The following EXT1 variants were observed in gnomAD, a reference collection of about 807,000 sequenced individuals.
The protein encoded by EXT1 is exostosin glycosyltransferase 1, also known as exostosin-1.
EXT1 carries 20 observed loss-of-function variants against 82.5 expected under a neutral mutation model. The observed-to-expected ratio is 0.24, with a 90% CI of 0.17 to 0.35. EXT1 has a LOEUF of 0.35. Among genes scored for constraint, EXT1 ranks in the 10% least tolerant of loss-of-function variants. The pLI is 1.00. For synonymous variants in EXT1, 348 were observed against 350.8 expected, an observed-to-expected ratio of 0.99 and a Z score of 0.09; for missense variants, 757 against 936.5, an observed-to-expected ratio of 0.81 and a Z score of 2.50.
intron 1 of EXT1, among the ~76,000 whole-genome samples, chr8:117,918,748 C>A (rs754005640): frequency 6.6e-6 from 1 of 152,148 alleles, no homozygotes; most frequent in African/African-American, 2.4e-5. Flanking sequence ...CAGGAGTGAC[C>A]CCAGCAGATG....
chr8:118,029,626 C>A (rs998946111), intron 1 of EXT1, among the ~76,000 whole-genome samples: 1 of 152,138 alleles, frequency 6.6e-6, no homozygotes, highest in South Asian at 2.1e-4. Context: ...TCTTATAGTG[C>A]TAAAGTTCTG....
chr8:117,967,884 T>C (rs1478794193), intron 1 of EXT1, among the ~76,000 whole-genome samples: 1 of 152,032 alleles, frequency 6.6e-6, no homozygotes, highest in Non-Finnish European at 1.5e-5. Flanking sequence ...AACAAACGAG[T>C]CTAAAGATCT....
At chr8:117,996,457 T>C (rs1027150449) in intron 1 of EXT1, among the ~76,000 whole-genome samples, 1 of 152,218 alleles carries the variant, frequency 6.6e-6, no homozygotes, top group African/African-American at 2.4e-5. Context: ...CATATTTTCA[T>C]CACACAGAAA....
intron 1 of EXT1, among the ~76,000 whole-genome samples, chr8:117,982,341 C>T (rs1815226954): frequency 6.6e-6 from 1 of 152,178 alleles, no homozygotes; most frequent in Non-Finnish European, 1.5e-5. Flanking sequence ...TTCCCCCAAT[C>T]GTCAAAGCCA....
intron 1 of EXT1, among the ~76,000 whole-genome samples, chr8:118,032,328 G>C (rs910680988): frequency 6.6e-6 from 1 of 151,636 alleles, no homozygotes; most frequent in Non-Finnish European, 1.5e-5. Flanking sequence ...TTTAGAGTGA[G>C]GTCCAGCAAT....
intron 1 of EXT1, among the ~76,000 whole-genome samples, chr8:118,021,913 G>C (rs183672615): frequency 2.6e-5 from 4 of 152,180 alleles, no homozygotes; most frequent in Non-Finnish European, 5.9e-5. Context: ...GATTTTGTGA[G>C]CAAGTCCGAA....
intron 1 of EXT1, among the ~76,000 whole-genome samples, chr8:117,925,181 G>A (rs903911548): frequency 4.6e-5 from 7 of 152,166 alleles, no homozygotes; most frequent in Non-Finnish European, 1.0e-4. Context: ...TAAATATGGT[G>A]TCACTGTCCC....
intron 4 of EXT1, among the ~76,000 whole-genome samples, chr8:117,825,914 TATC>T (rs1239933211): frequency 1.4e-4 from 21 of 152,228 alleles, no homozygotes; most frequent in African/African-American, 5.1e-4. Flanking sequence ...TTTCACATAT[TATC>T]ATAATCTCAG....
At chr8:117,857,088 G>A (rs1812577590) in intron 1 of EXT1, among the ~76,000 whole-genome samples, 1 of 152,140 alleles carries the variant, frequency 6.6e-6, no homozygotes, top group African/African-American at 2.4e-5. Flanking sequence ...ATGGTTAACT[G>A]AATATTTTAA....
chr8:117,991,056 G>C (rs370370022), intron 1 of EXT1, among the ~76,000 whole-genome samples: 90 of 151,932 alleles, frequency 5.9e-4, no homozygotes, highest in African/African-American at 2.2e-3. Context: ...GCCTTCCCAA[G>C]GTCCATACAC....
intron 1 of EXT1, among the ~76,000 whole-genome samples, chr8:118,079,879 T>C (rs1363542775): frequency 6.6e-6 from 1 of 152,090 alleles, no homozygotes; most frequent in African/African-American, 2.4e-5. Context: ...ATAACTTCAA[T>C]AGAAAGAAAG....
intron 1 of EXT1, among the ~76,000 whole-genome samples, chr8:117,945,055 A>C (rs1226154223): frequency 6.6e-6 from 1 of 152,182 alleles, no homozygotes; most frequent in African/African-American, 2.4e-5. Context: ...CCAGCTACTC[A>C]GGAGGCTGAG....
chr8:117,881,230 A>G (rs1461233395), intron 1 of EXT1, among the ~76,000 whole-genome samples: 1 of 152,202 alleles, frequency 6.6e-6, no homozygotes, highest in African/African-American at 2.4e-5. Flanking sequence ...ACAGAAAAAG[A>G]AAAAATGTCA....
chr8:118,036,379 C>G (rs146291518), intron 1 of EXT1, among the ~76,000 whole-genome samples: 1 of 152,066 alleles, frequency 6.6e-6, no homozygotes. Context: ...TCTCAGTGGC[C>G]GCCCCTTTTC....
intron 1 of EXT1, among the ~76,000 whole-genome samples, chr8:118,088,351 C>T (rs1326470529): frequency 6.6e-6 from 1 of 152,012 alleles, no homozygotes; most frequent in Non-Finnish European, 1.5e-5. Context: ...TTGGCTAAAG[C>T]TGTTAAGATG....
chr8:118,102,734 A>G (rs1817741040), intron 1 of EXT1, among the ~76,000 whole-genome samples: 1 of 152,276 alleles, frequency 6.6e-6, no homozygotes, highest in Admixed American at 6.5e-5. Flanking sequence ...AAGTTTACCA[A>G]TAGTGGCTAA....
chr8:118,084,986 T>C (rs1381632864), intron 1 of EXT1, among the ~76,000 whole-genome samples: 1 of 152,220 alleles, frequency 6.6e-6, no homozygotes, highest in Non-Finnish European at 1.5e-5. Flanking sequence ...CAATCCATAT[T>C]GTATTACAAT....
At chr8:118,005,298 G>C (rs1205510442) in intron 1 of EXT1, among the ~76,000 whole-genome samples, 1 of 152,140 alleles carries the variant, frequency 6.6e-6, no homozygotes, top group African/African-American at 2.4e-5. Context: ...TCAGCCCAAA[G>C]GGTACACATA....
chr8:117,864,577 G>A (rs1433788802), intron 1 of EXT1, among the ~76,000 whole-genome samples: 3 of 151,346 alleles, frequency 2.0e-5, no homozygotes, highest in Admixed American at 6.6e-5. Context: ...GTGAAACCCC[G>A]TCTCTACTAA....
Sources: gnomAD v4.1 joint callset for allele counts (sites outside exome capture counted in the v4.1 genomes callset) on GRCh38, gnomAD v4.1.1 for gene constraint, MANE v1.5 for transcripts, NCBI Gene and HGNC (gene_info 2026-07-23, HGNC 2026-07-21) for gene names.